Variants in ATP6V1C1 observed in about 807,000 individuals in gnomAD.
The protein encoded by ATP6V1C1 is ATPase H+ transporting V1 subunit C1, also known as V-type proton ATPase subunit C 1.
In ATP6V1C1, 45 loss-of-function variants were observed where a neutral mutation model predicts 53.9. That is an observed-to-expected ratio of 0.83 (90% confidence interval 0.66 to 1.07). ATP6V1C1 has a LOEUF of 1.07. Ranked by LOEUF, ATP6V1C1 falls within the 50% of genes least tolerant of loss-of-function variation. ATP6V1C1 has a pLI of 0.00. For missense variants in ATP6V1C1, 315 were observed against 440.3 expected (o/e 0.72, Z 2.55); for synonymous variants, 153 against 155.2 (o/e 0.99, Z 0.11).
At position 103,052,813 on chromosome 8, in the gene ATP6V1C1, G is replaced by T; in HGVS notation, c.464G>T (p.Arg155Leu). The T allele has an allele frequency of 1.3e-6, 2 of 1,585,802 alleles. No individual in the cohort carries two copies. Among genetic ancestry groups the T allele is most frequent in the Non-Finnish European group, 1.7e-6 (2 of 1,165,848 alleles). The change falls in exon 6 of 13, where the codon CGA becomes CTA. Residue 155 changes from arginine (R) to leucine (L), a missense_variant. Physicochemically the swap from Arg to Leu is moderately radical, Grantham distance 102. Coordinates refer to ENST00000518738, the MANE Select transcript of ATP6V1C1 (RefSeq NM_001695.5). ...NLKGNLQNLE[R>L]KNAGSLLTRS... ...AAAGGAAATCTTCAGAATTTGGAAC[G>T]AAAGAATGCGTAAGCAGATCAAGTA...
At chr8:103,023,514 G>C (rs1304066671) in intron 1 of ATP6V1C1, among the ~76,000 whole-genome samples, 3 of 152,008 alleles carry the variant, frequency 2.0e-5, no homozygotes, top group Non-Finnish European at 4.4e-5. Context: ...CAGGGTAGTC[G>C]TAACTACCCT....
At chr8:103,065,555 C>T (rs1447746194) in intron 11 of ATP6V1C1, among the ~76,000 whole-genome samples, 2 of 151,082 alleles carry the variant, frequency 1.3e-5, no homozygotes, top group Admixed American at 6.6e-5. Flanking sequence ...GGCAACAGAG[C>T]GAGACTCCGC....
chr8:103,064,525 C>T (rs533208261), intron 10 of ATP6V1C1, 189 bp from the exon 11 acceptor site: 7 of 473,172 alleles, frequency 1.5e-5, no homozygotes, highest in African/African-American at 5.9e-5. Flanking sequence ...TCTGTAGTGG[C>T]GAACCTTTTA....
At chr8:103,028,083 G>A (rs1388802649) in intron 1 of ATP6V1C1, among the ~76,000 whole-genome samples, 1 of 152,210 alleles carries the variant, frequency 6.6e-6, no homozygotes, top group African/African-American at 2.4e-5. Context: ...GCCTAATGCT[G>A]TTAATGACAT....
At chr8:103,050,326 G>A (rs1043940940) in intron 4 of ATP6V1C1, among the ~76,000 whole-genome samples, 1 of 152,210 alleles carries the variant, frequency 6.6e-6, no homozygotes, top group African/African-American at 2.4e-5. Flanking sequence ...GAGGGGCAGT[G>A]CATCTAGATA....
chr8:103,046,592 C>G (rs1481347411), intron 3 of ATP6V1C1, among the ~76,000 whole-genome samples: 1 of 152,102 alleles, frequency 6.6e-6, no homozygotes. Context: ...TTAAAGTTAC[C>G]TAGGCAGTGT....
Position 103,023,905 on chromosome 8 carries a change from T to TGG in ATP6V1C1, c.-40+2689_-40+2690dup, listed in dbSNP as rs35105111. Among the ~76,000 whole-genome samples the TGG allele has an allele frequency of 5.8e-4, 87 of 149,840 alleles. 1 individual carries two copies. Among genetic ancestry groups the TGG allele is most frequent in the Non-Finnish European group, 4.9e-4 (33 of 67,230 alleles). On this transcript the variant is annotated intron_variant, in intron 1 of 12. Coordinates refer to ENST00000518738, the MANE Select transcript of ATP6V1C1 (RefSeq NM_001695.5). ...TAGTCTTTGATTCAGCATTTTTTTT[T>TGG]GGGGGGGGGGAACTTCTCCCTGAAG...
At chr8:103,058,425 A>G (rs922437424) in intron 8 of ATP6V1C1, among the ~76,000 whole-genome samples, 18 of 152,258 alleles carry the variant, frequency 1.2e-4, no homozygotes, top group African/African-American at 3.9e-4. Context: ...TGTGCAGTTC[A>G]TGTAGGGGCA....
chr8:103,055,928 G>A lies in ATP6V1C1; in HGVS notation c.633G>A (p.Arg211=). 1 of 1,611,630 alleles carries A rather than the reference G, an allele frequency of 6.2e-7. No individual in the cohort carries two copies. The highest frequency in any genetic ancestry group is 8.5e-7 in the Non-Finnish European group (1 of 1,178,172). Reference sequence around the variant, plus strand: ...CACTAGCCGAAATGGTAGTTCCAAGGTCTAGCAAGTAAGTAGAAGTCTTTG... The same window carrying A: ...CACTAGCCGAAATGGTAGTTCCAAGATCTAGCAAGTAAGTAGAAGTCTTTG... The part of the protein sequence containing the change: ...YETLAEMVVP[R]SSNVLSEDQD... Residue 211 remains arginine, a synonymous_variant, in exon 8 of 13, where the codon AGG becomes AGA. Transcript: ENST00000518738.
rs16870033 is a variant in ATP6V1C1, at chr8:103,071,558, G to T, written c.*2811G>T. The T allele has an allele frequency of 0.14, 21,370 of 152,218 alleles. 2,005 individuals carry two copies. The highest frequency in any genetic ancestry group is 0.27 in the African/African-American group (11,138 of 41,488). The allele number at this position is 152,218 out of a possible 1,614,324, so 9.4% of individuals were successfully genotyped here. A position where few individuals can be genotyped will look rare whatever the true frequency, so the allele number is the denominator to read the frequency against. On this transcript the variant is annotated 3_prime_UTR_variant, in exon 13 of 13. Coordinates refer to ENST00000518738, the MANE Select transcript of ATP6V1C1 (RefSeq NM_001695.5). ...CCGAGATGGACAATGGTATAGGAAA[G>T]ATATTCGGTATGGAGAATCAGATGT...
intron 6 of ATP6V1C1, 120 bp from the exon 7 acceptor site, chr8:103,053,764 C>CT (rs1267678630): frequency 1.5e-6 from 1 of 685,530 alleles, no homozygotes; most frequent in Non-Finnish European, 2.4e-6. Context: ...AAAATGTTGA[C>CT]TAAGACTAAT....
intron 3 of ATP6V1C1, among the ~76,000 whole-genome samples, chr8:103,045,288 G>A (rs1391225985): frequency 6.6e-6 from 1 of 152,184 alleles, no homozygotes; most frequent in African/African-American, 2.4e-5. Flanking sequence ...TAGAGACTGA[G>A]GTCAGGGTTA....
chr8:103,027,728 T>C (rs1206654148), intron 1 of ATP6V1C1, among the ~76,000 whole-genome samples: 3 of 152,004 alleles, frequency 2.0e-5, no homozygotes, highest in African/African-American at 4.8e-5. Flanking sequence ...AGCACACTTA[T>C]TGCAGTCAGA....
At chr8:103,029,136 C>G (rs914311813) in intron 1 of ATP6V1C1, among the ~76,000 whole-genome samples, 1 of 151,972 alleles carries the variant, frequency 6.6e-6, no homozygotes, top group Admixed American at 6.5e-5. Context: ...CTATGCATAT[C>G]CTTATTTTCT....
In ATP6V1C1 at chr8:103,040,842, T is replaced by C. The variant is rs1816986624; in HGVS notation, c.6T>C (p.Thr2=). The C allele has an allele frequency of 6.2e-7, 1 of 1,613,634 alleles. No homozygotes were observed. Among genetic ancestry groups the C allele is most frequent in the Non-Finnish European group, 8.5e-7 (1 of 1,179,846 alleles). The change falls in exon 2 of 13, where the codon ACT becomes ACC. Residue 2 remains threonine (T), a synonymous_variant. Transcript: ENST00000518738. The part of the protein sequence containing the change: M[T]EFWLISAPGE... Reference sequence around the variant, plus strand: ...GGAAATACCTAGTAACAAACATGACTGAGTTCTGGCTTATATCTGCTCCTG... The same window carrying C: ...GGAAATACCTAGTAACAAACATGACCGAGTTCTGGCTTATATCTGCTCCTG...
In ATP6V1C1 at chr8:103,069,450, A is replaced by G. The variant is rs1817549014; in HGVS notation, c.*703A>G. The G allele has an allele frequency of 1.3e-5, 2 of 152,224 alleles. No homozygotes were observed. Among genetic ancestry groups the G allele is most frequent in the African/African-American group, 4.8e-5 (2 of 41,454 alleles). The allele number at this position is 152,224 out of a possible 1,614,324, so 9.4% of individuals were successfully genotyped here. On this transcript the variant is annotated 3_prime_UTR_variant, in exon 13 of 13. Coordinates refer to ENST00000518738, the MANE Select transcript of ATP6V1C1 (RefSeq NM_001695.5). ...TGAGCCAAATTTGGGTCAGAACACA[A>G]ATTTGAAGATGACTTTTCAGTATAT...
At chr8:103,051,612 G>A (rs1025117735) in intron 5 of ATP6V1C1, among the ~76,000 whole-genome samples, 40 of 152,152 alleles carry the variant, frequency 2.6e-4, no homozygotes, top group African/African-American at 4.3e-4. Context: ...TCCCGTATTC[G>A]TGTGCCACAT....
In ATP6V1C1 at chr8:103,061,616, T is replaced by C. The variant is rs1235724406; in HGVS notation, c.642-1339T>C. Reference sequence around the variant, plus strand: ...GGTAGTGAGGGGTATGTTTATTGTCTAGATTGTGGTGATGGTTTCATGGGT... The same window carrying C: ...GGTAGTGAGGGGTATGTTTATTGTCCAGATTGTGGTGATGGTTTCATGGGT... On this transcript the variant is annotated intron_variant, in intron 8 of 12. Transcript: ENST00000518738. 2.0e-5 allele frequency among the ~76,000 whole-genome samples: 3 copies of C among 152,194 alleles called. No homozygotes were observed. In the East Asian group the frequency reaches 5.8e-4, roughly 29 times the overall value.
chr8:103,024,239 C>G (rs1381594023), intron 1 of ATP6V1C1, among the ~76,000 whole-genome samples: 2 of 152,202 alleles, frequency 1.3e-5, no homozygotes, highest in African/African-American at 4.8e-5. Flanking sequence ...CAGGATCTAA[C>G]TAAATGCTGA....
Sources: gnomAD v4.1 joint callset for allele counts (sites outside exome capture counted in the v4.1 genomes callset) on GRCh38, gnomAD v4.1.1 for gene constraint, MANE v1.5 for transcripts, NCBI Gene and HGNC (gene_info 2026-07-23, HGNC 2026-07-21) for gene names.